The following UNC13A variants were observed in gnomAD, a reference collection of about 807,000 sequenced individuals.
UNC13A encodes the protein protein unc-13 homolog A.
In UNC13A, 61 loss-of-function variants were observed where a neutral mutation model predicts 219.7. The ratio of observed to expected loss-of-function variants is 0.28; its 90% CI spans 0.23 to 0.34. UNC13A has a LOEUF of 0.34. Ranked by LOEUF, UNC13A falls within the 10% of genes least tolerant of loss-of-function variation. The pLI is 1.00. For missense variants in UNC13A, 1,476 were observed against 2,270.3 expected, an observed-to-expected ratio of 0.65 and a Z score of 7.11; for synonymous variants, 920 against 884.6, an observed-to-expected ratio of 1.04 and a Z score of -0.71.
intron 7 of UNC13A, among the ~76,000 whole-genome samples, chr19:17,664,914 A>G (rs1413785242): frequency 6.6e-6 from 1 of 152,122 alleles, no homozygotes; most frequent in Non-Finnish European, 1.5e-5. Context: ...GCAAATGGAA[A>G]AGGTGCCAGG....
chr19:17,614,908 C>T (rs1361957425), intron 41 of UNC13A, among the ~76,000 whole-genome samples: 1 of 152,050 alleles, frequency 6.6e-6, no homozygotes, highest in African/African-American at 2.4e-5. Flanking sequence ...GGGAATTGGA[C>T]AGTGGTGGGT....
At chr19:17,667,874 G>A (rs559910389) in intron 6 of UNC13A, among the ~76,000 whole-genome samples, 2 of 147,176 alleles carry the variant, frequency 1.4e-5, no homozygotes, top group African/African-American at 2.5e-5. Flanking sequence ...GCCCACCTTC[G>A]CCTCTCAAAG....
chr19:17,672,521 G>A lies in UNC13A; in HGVS notation c.153-26C>T, dbSNP rs760111196. The A allele has an allele frequency of 2.9e-5, 46 of 1,584,634 alleles. No homozygotes were observed. In the Middle Eastern group the frequency reaches 8.4e-4, roughly 29 times the overall value. The stretch of plus-strand genomic sequence containing the variant: ...CTGCAGAAAAAGGAGAGGGGGCGTC[G>A]AGGGAGCAGGAGGGAGGAAACGGGG... On this transcript the variant is annotated intron_variant, in intron 3 of 43. Coordinates refer to ENST00000519716, the MANE Select transcript of UNC13A (RefSeq NM_001080421.3).
At chr19:17,607,749 A>G (rs1458587616) in intron 43 of UNC13A, among the ~76,000 whole-genome samples, 1 of 151,870 alleles carries the variant, frequency 6.6e-6, no homozygotes, top group Non-Finnish European at 1.5e-5. Flanking sequence ...CTGTCTCCTA[A>G]GAACATCCAA....
chr19:17,642,105 C>T (rs1568520773), intron 20 of UNC13A, among the ~76,000 whole-genome samples: 2 of 151,458 alleles, frequency 1.3e-5, no homozygotes, highest in African/African-American at 4.9e-5. Flanking sequence ...TCTACTCAAT[C>T]TTCCTTCTAA....
At chr19:17,609,597 CCAGA>C (rs759052383) in intron 43 of UNC13A, among the ~76,000 whole-genome samples, 9 of 152,218 alleles carry the variant, frequency 5.9e-5, no homozygotes, top group Non-Finnish European at 7.4e-5. Context: ...CATTCCTTCA[CCAGA>C]CAGAGTCTCC....
intron 34 of UNC13A, chr19:17,626,332 T>G: frequency 3.4e-6 from 1 of 291,362 alleles, no homozygotes. Flanking sequence ...AAAACATCTA[T>G]CCTCCCTCTA....
chr19:17,618,487 T>C lies in UNC13A; in HGVS notation c.4344A>G (p.Arg1448=). The C allele has an allele frequency of 6.3e-7, 1 of 1,591,482 alleles. No homozygotes were observed. Among genetic ancestry groups the C allele is most frequent in the Non-Finnish European group, 8.6e-7 (1 of 1,168,756 alleles). ...TTGGGGTCAAGCTCTTGGCTTCTTC[T>C]CGTACCATGTGATCCTGGATGGATG... ...QLSKLKDHMV[R]EEAKSLTPKQ... The change falls in exon 40 of 44, where the codon CGA becomes CGG. Residue 1448 remains arginine, a synonymous_variant. Coordinates refer to ENST00000519716, the MANE Select transcript of UNC13A (RefSeq NM_001080421.3).
At chr19:17,621,783 T>G in intron 37 of UNC13A, 49 bp downstream of exon 37, 1 of 1,600,992 alleles carries the variant, frequency 6.2e-7, no homozygotes. Flanking sequence ...TGCACACACA[T>G]GCCCAGACAC....
At chr19:17,651,475 T>A (rs1378541757) in intron 12 of UNC13A, among the ~76,000 whole-genome samples, 2 of 151,912 alleles carry the variant, frequency 1.3e-5, no homozygotes, top group Non-Finnish European at 2.9e-5. Context: ...ATCCACCTGC[T>A]TCAGCCTCCC....
Position 17,606,157 on chromosome 19 carries a change from C to G in UNC13A, c.5009G>C (p.Arg1670Pro). ...HMDDTGLTVL[R>P]ILSQRSNDEV... ...GTCGTTGCTGCGCTGCGAGAGGATT[C>G]GCAGCACCGTGAGGCCCGTGTCGTC... The change falls in exon 44 of 44, where the codon CGA becomes CCA. Residue 1670 changes from arginine to proline, a missense_variant. Coordinates refer to ENST00000519716, the MANE Select transcript of UNC13A (RefSeq NM_001080421.3). 6.3e-7 allele frequency: 1 copy of G among 1,584,280 alleles called. No individual in the cohort carries two copies. The highest frequency in any genetic ancestry group is 8.6e-7 in the Non-Finnish European group (1 of 1,166,966).
At chr19:17,631,188 T>TTCCTCCCTCCG (rs751272969) in intron 28 of UNC13A, among the ~76,000 whole-genome samples, 1 of 25,228 alleles carries the variant, frequency 4.0e-5, no homozygotes, top group Non-Finnish European at 8.0e-5. Flanking sequence ...CTTTCCTTCC[T>TTCCTCCCTCCG]TCCCTCCCTC....
chr19:17,670,111 T>C (rs1029609099), intron 4 of UNC13A, among the ~76,000 whole-genome samples: 10 of 151,972 alleles, frequency 6.6e-5, no homozygotes, highest in Non-Finnish European at 1.3e-4. Flanking sequence ...CACGCCTGGC[T>C]GATTTTTTGT....
chr19:17,631,209 T>TCCC lies in UNC13A; in HGVS notation c.3429-460_3429-459insGGG, dbSNP rs1427974082. 3.2e-3 allele frequency among the ~76,000 whole-genome samples: 149 copies of TCCC among 47,146 alleles called. 12 individuals carry two copies. The highest frequency in any genetic ancestry group is 0.01 in the African/African-American group (142 of 14,138). 30.9% of individuals were successfully genotyped at this position (47,146 alleles called of 152,430 possible). A position where few individuals can be genotyped will look rare whatever the true frequency, so the allele number is the denominator to read the frequency against. ...TTCCTTCCCTCCCTCCCTCCCTTCC[T>TCCC]TCCTTCCTTCCTTCTTCCTTCCTTC... On this transcript the variant is annotated intron_variant, in intron 28 of 43. Coordinates refer to ENST00000519716, the MANE Select transcript of UNC13A (RefSeq NM_001080421.3).
rs2079866481 is a variant in UNC13A at position 17,674,845 on chromosome 19, T to G, written c.53-89A>C. On this transcript the variant is annotated intron_variant, in intron 2 of 43. Transcript: ENST00000519716. The surrounding 1 kb of genome is among the most constrained non-coding windows in gnomAD (Gnocchi z 5.0). ...CTCTAGACCATCTGCTGTGATCCCC[T>G]CAGGAATTTCTGGGCCACTCACCCC... 1 of 1,170,364 alleles carries G rather than the reference T, an allele frequency of 8.5e-7. No individual in the cohort carries two copies. The highest frequency in any genetic ancestry group is 1.5e-5 in the African/African-American group (1 of 66,020). The allele number at this position is 1,170,364 out of a possible 1,614,324, so 72.5% of individuals were successfully genotyped here.
chr19:17,654,158 G>A (rs987251046), intron 11 of UNC13A, among the ~76,000 whole-genome samples: 3 of 152,096 alleles, frequency 2.0e-5, no homozygotes, highest in Non-Finnish European at 4.4e-5. Flanking sequence ...TCTCCTCCAG[G>A]GAGTTTTCCT....
At chr19:17,613,530 T>C (rs2144932705) in intron 41 of UNC13A, among the ~76,000 whole-genome samples, 1 of 152,110 alleles carries the variant, frequency 6.6e-6, no homozygotes, top group South Asian at 2.1e-4. Flanking sequence ...AGGTTACTAT[T>C]ACCTCTCCCC....
At chr19:17,626,372 G>T in intron 34 of UNC13A, 1 of 424,808 alleles carries the variant, frequency 2.4e-6, no homozygotes, top group Non-Finnish European at 4.2e-6. Flanking sequence ...TTTAATCCAT[G>T]CGTCCACCCA....
At chr19:17,623,349 TCTCC>T (rs971606619) in intron 36 of UNC13A, 189 bp downstream of exon 36, 11 of 506,240 alleles carry the variant, frequency 2.2e-5, no homozygotes, top group East Asian at 7.0e-5. Context: ...GTGGGCGTGG[TCTCC>T]CTCCCTCCCA....
Sources: gnomAD v4.1 joint callset for allele counts (sites outside exome capture counted in the v4.1 genomes callset) on GRCh38, gnomAD v4.1.1 for gene constraint, Gnocchi (gnomAD v3.1) non-coding constraint, MANE v1.5 for transcripts, NCBI Gene and HGNC (gene_info 2026-07-23, HGNC 2026-07-21) for gene names.